The following COX4I1 variants were observed in gnomAD, a reference collection of about 807,000 sequenced individuals.
The protein encoded by COX4I1 is cytochrome c oxidase subunit 4 isoform 1, mitochondrial.
In COX4I1, 18 loss-of-function variants were observed where a neutral mutation model predicts 21.7. The ratio of observed to expected loss-of-function variants is 0.83; its 90% confidence interval spans 0.57 to 1.23. The LOEUF (loss-of-function observed/expected upper bound fraction) is 1.23, where lower values mean the gene tolerates loss of function less well. Ranked by LOEUF, COX4I1 falls within the 50% of genes most tolerant of loss-of-function variation. COX4I1 has a pLI of 0.00. For missense variants in COX4I1, 238 were observed against 220.7 expected, an observed-to-expected ratio of 1.08 and a Z score of -0.50; for synonymous variants, 100 against 81.5, an observed-to-expected ratio of 1.23 and a Z score of -1.23.
chr16:85,806,312 C>T (rs923217070), intron 4 of COX4I1: 13 of 611,560 alleles, frequency 2.1e-5, no homozygotes, highest in Admixed American at 5.6e-5. Context: ...CCGGGTTGCT[C>T]GCTCGTGGTA....
intron 2 of COX4I1, among the ~76,000 whole-genome samples, chr16:85,802,904 C>T (rs2733956): frequency 0.97 from 148,464 of 152,318 alleles, 72,459 homozygotes; most frequent in Middle Eastern, 1. Flanking sequence ...TGAGGGTTTA[C>T]GTCGTTATAA....
intron 4 of COX4I1, 157 bp from the exon 5 acceptor site, chr16:85,806,581 C>G (rs755387133): frequency 6.9e-6 from 7 of 1,020,670 alleles, no homozygotes; most frequent in Admixed American, 1.8e-5. Flanking sequence ...TCAGTGTTGT[C>G]AGTGGTCAGA....
intron 3 of COX4I1, 52 bp from the exon 4 acceptor site, chr16:85,805,681 G>A: frequency 1.2e-6 from 2 of 1,606,898 alleles, no homozygotes; most frequent in Non-Finnish European, 1.7e-6. Flanking sequence ...TGTTGCAGAG[G>A]AGGGAGCTGC....
At chr16:85,806,057 A>G in intron 4 of COX4I1, 193 bp downstream of exon 4, 1 of 714,058 alleles carries the variant, frequency 1.4e-6, no homozygotes, top group Non-Finnish European at 2.3e-6. Flanking sequence ...TTTATAAGCC[A>G]GCATCTGATT....
At position 85,804,939 on chromosome 16, in the gene COX4I1, A is replaced by G. The variant is rs147346083; in HGVS notation, c.76A>G (p.Ser26Gly). ...GATTTATTCAATATGTTTTTCAGAA[A>G]GTGTTGTGAAGAGCGAAGACTTTTC... ...STSVCVRAHE[S>G]VVKSEDFSLP... Residue 26 changes from serine to glycine, a missense_variant and splice_region_variant, in exon 3 of 5, where the codon AGT becomes GGT. Physicochemically the swap from Ser to Gly is moderately conservative, Grantham distance 56 (BLOSUM62 0). Transcript: ENST00000253452. 1.2e-4 allele frequency: 187 copies of G among 1,599,466 alleles called. No individual in the cohort carries two copies. The African/African-American group carries it at 2.1e-3, about 18-fold the overall frequency.
chr16:85,805,151 C>CGT lies in COX4I1; in HGVS notation c.241+55_241+56dup. 7 of 1,567,556 alleles carry CGT rather than the reference C, an allele frequency of 4.5e-6. No homozygotes were observed. In the East Asian group the frequency reaches 1.6e-4, roughly 35 times the overall value. ...AGGCGCGCCCAGCAGCTCTCGGAAG[C>CGT]GTGTGTGTGACAGAGCCTCTGCTCA... On this transcript the variant is annotated intron_variant, in intron 3 of 4. Transcript: ENST00000253452.
intron 4 of COX4I1, chr16:85,806,127 G>A (rs951899776): frequency 1.0e-5 from 6 of 586,860 alleles, no homozygotes; most frequent in Non-Finnish European, 6.0e-6. Flanking sequence ...AGCACACCAC[G>A]TTTTCAGTAG....
intron 4 of COX4I1, 43 bp from the exon 5 acceptor site, chr16:85,806,695 C>A (rs748959830): frequency 3.1e-6 from 5 of 1,613,912 alleles, no homozygotes; most frequent in Non-Finnish European, 4.2e-6. Context: ...CTAGAAACAA[C>A]CTGTTGAGAT....
intron 2 of COX4I1, 71 bp downstream of exon 2, chr16:85,801,349 C>T: frequency 7.2e-7 from 1 of 1,382,778 alleles, no homozygotes; most frequent in Non-Finnish European, 1.0e-6. Flanking sequence ...GTATAAAGCC[C>T]TGTGCTGGAG....
At chr16:85,806,547 A>T (rs1479707001) in intron 4 of COX4I1, 191 bp from the exon 5 acceptor site, 2 of 820,114 alleles carry the variant, frequency 2.4e-6, no homozygotes, top group African/African-American at 3.4e-5. Flanking sequence ...AACTTTTTAC[A>T]AACAAAGGGC....
intron 1 of COX4I1, among the ~76,000 whole-genome samples, chr16:85,800,485 G>C (rs1157521553): frequency 6.6e-6 from 1 of 152,200 alleles, no homozygotes; most frequent in Non-Finnish European, 1.5e-5. Flanking sequence ...TAAACACTCA[G>C]TTGAATGTGA....
At chr16:85,801,504 C>G (rs894062647) in intron 2 of COX4I1, among the ~76,000 whole-genome samples, 1 of 152,034 alleles carries the variant, frequency 6.6e-6, no homozygotes, top group African/African-American at 2.4e-5. Context: ...CCCCACTTAC[C>G]CTTCCCTTCC....
At chr16:85,802,433 G>A (rs1905838291) in intron 2 of COX4I1, among the ~76,000 whole-genome samples, 1 of 152,212 alleles carries the variant, frequency 6.6e-6, no homozygotes, top group African/African-American at 2.4e-5. Flanking sequence ...CTTACTCATT[G>A]CCGTATCTCC....
At chr16:85,806,047 T>A in intron 4 of COX4I1, 183 bp downstream of exon 4, 1 of 783,956 alleles carries the variant, frequency 1.3e-6, no homozygotes, top group Admixed American at 2.8e-5. Context: ...GGGAGGTTAG[T>A]TTATAAGCCA....
intron 2 of COX4I1, chr16:85,804,155 A>T (rs1055050724): frequency 6.6e-6 from 1 of 152,232 alleles, no homozygotes; most frequent in Middle Eastern, 3.2e-3. Flanking sequence ...TCCTGGTTGG[A>T]CACAGGTTCC....
chr16:85,801,566 C>A (rs540170877), intron 2 of COX4I1, among the ~76,000 whole-genome samples: 1 of 152,148 alleles, frequency 6.6e-6, no homozygotes, highest in Non-Finnish European at 1.5e-5. Flanking sequence ...ATCTTCTGCA[C>A]CATAACTGAC....
At position 85,799,702 on chromosome 16, in the gene COX4I1, G is replaced by C. The variant is rs1432948320; in HGVS notation, c.-52G>C. ...CCGCGGCGCGGCCTTGCTCTCTTCC[G>C]GTCGCGGGACACCGGGTGTAGAGGG... On this transcript the variant is annotated 5_prime_UTR_variant, in exon 1 of 5. Transcript: ENST00000253452. The surrounding 1 kb of genome is among the most constrained non-coding windows in gnomAD (Gnocchi z 4.2). 6.1e-6 allele frequency: 1 copy of C among 163,918 alleles called. No homozygotes were observed. Among genetic ancestry groups the C allele is most frequent in the Admixed American group, 6.4e-5 (1 of 15,550 alleles). 10.2% of individuals were successfully genotyped at this position (163,918 alleles called of 1,614,324 possible). A position where few individuals can be genotyped will look rare whatever the true frequency, so the allele number is the denominator to read the frequency against.
chr16:85,806,643 G>A, intron 4 of COX4I1, 95 bp from the exon 5 acceptor site: 1 of 1,601,214 alleles, frequency 6.2e-7, no homozygotes. Context: ...CTGACCTGGT[G>A]GCTGGTGTGT....
intron 2 of COX4I1, chr16:85,803,719 T>G (rs1053190109): frequency 1.3e-5 from 2 of 152,248 alleles, no homozygotes; most frequent in Admixed American, 6.5e-5. Flanking sequence ...TTGCCTTGTC[T>G]GTTTTGTGCG....
Sources: allele counts gnomAD v4.1 joint callset (sites outside exome capture counted in the v4.1 genomes callset), GRCh38; gene constraint gnomAD v4.1.1; non-coding constraint Gnocchi (gnomAD v3.1); transcripts MANE v1.5; gene names NCBI Gene and HGNC (gene_info 2026-07-23, HGNC 2026-07-21).